The following NNT variants were observed in gnomAD, a reference collection of about 807,000 sequenced individuals.
NNT encodes the protein NAD(P) transhydrogenase, mitochondrial.
Under a neutral mutation model 104.8 loss-of-function variants are expected in NNT, and 50 were observed. That is an observed-to-expected ratio of 0.48 (90% confidence interval 0.38 to 0.60). The LOEUF is 0.60. Among genes scored for constraint, NNT ranks in the 20% least tolerant of loss-of-function variants. NNT has a pLI of 0.00. For synonymous variants in NNT, 461 were observed against 490.4 expected, an observed-to-expected ratio of 0.94 and a Z score of 0.79; for missense variants, 1,131 against 1,330.7, an observed-to-expected ratio of 0.85 and a Z score of 2.33.
Position 43,694,435 on chromosome 5 carries a change from C to A in NNT, c.2877-5684C>A, listed in dbSNP as rs149692076. ...ATGGGTTTGTCATAGATGGCTCTTA[C>A]TATTTTGAGGTATGTTCCTTTAATA... is the stretch of plus-strand genomic sequence containing the variant. On this transcript the variant is annotated intron_variant, in intron 19 of 21. Coordinates refer to ENST00000344920, the MANE Select transcript of NNT (RefSeq NM_182977.3). Among the ~76,000 whole-genome samples the A allele has an allele frequency of 1.0e-3, 158 of 152,182 alleles. 1 individual carries two copies. The highest frequency in any genetic ancestry group is 3.7e-3 in the African/African-American group (152 of 41,534).
intron 16 of NNT, among the ~76,000 whole-genome samples, 183 bp from the exon 17 acceptor site, chr5:43,658,987 AG>A (rs1229322478): frequency 2.0e-5 from 3 of 151,970 alleles, no homozygotes; most frequent in Non-Finnish European, 4.4e-5. Flanking sequence ...TGGGTGGCTC[AG>A]TGTTTATAGT....
At chr5:43,640,732 T>C (rs781089835) in intron 7 of NNT, among the ~76,000 whole-genome samples, 14 of 151,558 alleles carry the variant, frequency 9.2e-5, no homozygotes, top group Non-Finnish European at 1.8e-4. Context: ...TATAGGATTA[T>C]AGTGTTTTGT....
chr5:43,703,220 G>A (rs1020228105), intron 21 of NNT, among the ~76,000 whole-genome samples: 2 of 152,142 alleles, frequency 1.3e-5, no homozygotes, highest in African/African-American at 2.4e-5. Flanking sequence ...AGCAAGCTTC[G>A]CTCATGTGTA....
chr5:43,609,850 A>G (rs552784053), intron 2 of NNT, among the ~76,000 whole-genome samples: 3 of 152,318 alleles, frequency 2.0e-5, no homozygotes, highest in Non-Finnish European at 4.4e-5. Flanking sequence ...ATATCTACAA[A>G]CTGTCCTCTT....
At chr5:43,649,079 A>G (rs1739610017) in intron 10 of NNT, 68 bp from the exon 11 acceptor site, 5 of 1,514,538 alleles carry the variant, frequency 3.3e-6, no homozygotes, top group Non-Finnish European at 4.5e-6. Context: ...ATATTTATGT[A>G]TGTGCTTTTA....
chr5:43,691,644 A>G (rs886717835), intron 19 of NNT, among the ~76,000 whole-genome samples: 6 of 152,254 alleles, frequency 3.9e-5, no homozygotes, highest in Non-Finnish European at 7.3e-5. Flanking sequence ...TTAACTTTGA[A>G]AGAAAATCAG....
At chr5:43,655,097 T>C (rs953115901) in intron 14 of NNT, among the ~76,000 whole-genome samples, 1 of 152,178 alleles carries the variant, frequency 6.6e-6, no homozygotes, top group African/African-American at 2.4e-5. Context: ...AAAACCAAGG[T>C]CTTCTTCATG....
At chr5:43,668,088 T>C (rs1740815676) in intron 17 of NNT, among the ~76,000 whole-genome samples, 1 of 152,242 alleles carries the variant, frequency 6.6e-6, no homozygotes, top group Admixed American at 6.5e-5. Flanking sequence ...TGTCTGTTCA[T>C]ATCCTTTGCC....
chr5:43,645,097 G>A (rs1161405145), intron 9 of NNT, among the ~76,000 whole-genome samples: 1 of 151,802 alleles, frequency 6.6e-6, no homozygotes, highest in African/African-American at 2.4e-5. Flanking sequence ...TGCTTTCAAG[G>A]GTTTAATTTG....
intron 8 of NNT, 65 bp downstream of exon 8, chr5:43,644,390 AT>A (rs1751393172): frequency 1.3e-6 from 2 of 1,536,422 alleles, no homozygotes; most frequent in Non-Finnish European, 1.8e-6. Flanking sequence ...GGGGGTGTTT[AT>A]TTCTTTAAAT....
rs144172103 is a variant in NNT, at chr5:43,605,077, C to T, written c.-54+1783C>T. Among the ~76,000 whole-genome samples, 328 of 152,264 alleles carry T rather than the reference C, an allele frequency of 2.2e-3. 2 individuals carry two copies. Among genetic ancestry groups the T allele is most frequent in the Non-Finnish European group, 3.5e-3 (240 of 68,006 alleles). ...AAGTTGCAGAGTGGGGCTTCCAATC[C>T]GCAGATCCAGAGCTGACTCTCTTAA... On this transcript the variant is annotated intron_variant, in intron 1 of 21. Transcript: ENST00000344920.
At chr5:43,691,064 T>TGAGAGAGAGAGA (rs377384780) in intron 19 of NNT, among the ~76,000 whole-genome samples, 26 of 144,874 alleles carry the variant, frequency 1.8e-4, no homozygotes, top group African/African-American at 6.2e-4. Context: ...AGAATTTTTT[T>TGAGAGAGAGAGA]GAGAGAGTGT....
intron 19 of NNT, among the ~76,000 whole-genome samples, chr5:43,697,644 T>TA (rs1742627068): frequency 1.3e-5 from 2 of 152,312 alleles, no homozygotes; most frequent in South Asian, 4.1e-4. Flanking sequence ...TTAATGGACT[T>TA]ACAGTTCCAC....
rs1167697117 is a variant in NNT, at chr5:43,609,286, G to C, written c.91G>C (p.Asp31His). Residue 31 changes from aspartate to histidine, a missense_variant, in exon 2 of 22, where the codon GAT becomes CAT. Coordinates refer to ENST00000344920, the MANE Select transcript of NNT (RefSeq NM_182977.3). ...GSCKGLRVKKDFLRTFYTHQE... is the reference protein window; with the variant it reads ...GSCKGLRVKKHFLRTFYTHQE... ...CTGTAAGGGTCTACGTGTGAAGAAGGATTTTTTACGAACATTTTATACTCA... is the reference window on the plus strand; with the variant it reads ...CTGTAAGGGTCTACGTGTGAAGAAGCATTTTTTACGAACATTTTATACTCA... The C allele has an allele frequency of 2.5e-6, 4 of 1,613,930 alleles. No individual in the cohort carries two copies. In the African/African-American group the frequency reaches 5.3e-5, roughly 22 times the overall value.
Position 43,660,885 on chromosome 5 carries a change from G to A in NNT, c.2634+1535G>A, listed in dbSNP as rs368197131. On this transcript the variant is annotated intron_variant, in intron 17 of 21. Coordinates refer to ENST00000344920, the MANE Select transcript of NNT (RefSeq NM_182977.3). ...GGATTACAATTCGACATGAGATTTG[G>A]GTAGGGACTCAGAGCCAAACCATAT... Among the ~76,000 whole-genome samples the A allele has an allele frequency of 5.9e-5, 9 of 152,150 alleles. No individual in the cohort carries two copies. In the East Asian group the frequency reaches 1.4e-3, roughly 23 times the overall value.
intron 5 of NNT, among the ~76,000 whole-genome samples, chr5:43,621,486 C>T (rs969150761): frequency 8.5e-5 from 13 of 152,080 alleles, no homozygotes; most frequent in African/African-American, 2.4e-4. Context: ...AACTTACACT[C>T]CAGTGGGGGT....
chr5:43,698,176 T>A (rs1489664014), intron 19 of NNT, among the ~76,000 whole-genome samples: 2 of 151,814 alleles, frequency 1.3e-5, no homozygotes, highest in Admixed American at 1.3e-4. Context: ...TATATAATCT[T>A]GTATTAAGAC....
Position 43,704,559 on chromosome 5 carries a change from TTTTTCAAAAGCAGTAATCCCTCAA to T in NNT, c.*160_*183del, listed in dbSNP as rs1743020481. The T allele has an allele frequency of 9.4e-6, 6 of 635,288 alleles. No homozygotes were observed. The highest frequency in any genetic ancestry group is 1.5e-5 in the Non-Finnish European group (6 of 406,178). 39.4% of individuals were successfully genotyped at this position (635,288 alleles called of 1,614,324 possible). On this transcript the variant is annotated 3_prime_UTR_variant, in exon 22 of 22. Transcript: ENST00000344920. ...GCAAAGCAAAAACTGTATAGAGAGA[TTTTTCAAAAGCAGTAATCCCTCAA>T]TTTTAAAAAAGGATTGAAAATTCTA...
At chr5:43,665,098 C>G (rs1253994763) in intron 17 of NNT, among the ~76,000 whole-genome samples, 1 of 152,166 alleles carries the variant, frequency 6.6e-6, no homozygotes, top group Non-Finnish European at 1.5e-5. Context: ...TCCCTCTCCT[C>G]TGTCCCTCTA....
Sources: allele counts gnomAD v4.1 joint callset (sites outside exome capture counted in the v4.1 genomes callset), GRCh38; gene constraint gnomAD v4.1.1; transcripts MANE v1.5; gene names NCBI Gene and HGNC (gene_info 2026-07-23, HGNC 2026-07-21).